The following NTRK3 variants were observed in gnomAD, a reference collection of about 807,000 sequenced individuals.
NTRK3 encodes neurotrophic receptor tyrosine kinase 3.
In NTRK3, 24 loss-of-function variants were observed where a neutral mutation model predicts 91.7. That is an observed-to-expected ratio of 0.26 (90% CI 0.19 to 0.37). NTRK3 has a LOEUF of 0.37. NTRK3 is among the 10% of genes least tolerant of loss of function. NTRK3 has a pLI of 1.00. For missense variants in NTRK3, 880 were observed against 1,068.9 expected (o/e 0.82, Z 2.46); for synonymous variants, 483 against 404.0 (o/e 1.20, Z -2.34).
At chr15:88,208,723 T>C (rs1019592645) in intron 3 of NTRK3, among the ~76,000 whole-genome samples, 1 of 152,194 alleles carries the variant, frequency 6.6e-6, no homozygotes, top group Non-Finnish European at 1.5e-5. Flanking sequence ...CAGCAAGTGG[T>C]AAGCTGAAGC....
At chr15:88,058,541 G>C (rs2045927973) in intron 13 of NTRK3, among the ~76,000 whole-genome samples, 1 of 152,056 alleles carries the variant, frequency 6.6e-6, no homozygotes, top group Non-Finnish European at 1.5e-5. Context: ...CCCTAGTATT[G>C]GCATTTTTTA....
chr15:88,192,969 T>A (rs893387389), intron 3 of NTRK3, among the ~76,000 whole-genome samples: 1 of 152,176 alleles, frequency 6.6e-6, no homozygotes, highest in Non-Finnish European at 1.5e-5. Flanking sequence ...ATTATTTGAT[T>A]ATGTGTTTGT....
At chr15:88,115,102 T>C (rs2051890612) in intron 13 of NTRK3, among the ~76,000 whole-genome samples, 1 of 152,206 alleles carries the variant, frequency 6.6e-6, no homozygotes, top group South Asian at 2.1e-4. Context: ...TTTTAGGTTT[T>C]TAATAAATAT....
intron 17 of NTRK3, among the ~76,000 whole-genome samples, chr15:87,906,926 A>G (rs1248134774): frequency 6.6e-6 from 1 of 152,032 alleles, no homozygotes; most frequent in Non-Finnish European, 1.5e-5. Flanking sequence ...TGTCTGTTTT[A>G]CTCACAGTTG....
chr15:88,234,135 T>C lies in NTRK3; in HGVS notation c.248+21771A>G, dbSNP rs750184499. ...TGCCAGGCCAGCCTGCCAGGCAGCC[T>C]GGACCTTCAGTCAGGAGACGATGGA... On this transcript the variant is annotated intron_variant, in intron 3 of 18. Transcript: ENST00000394480. The surrounding 1 kb of genome is among the most constrained non-coding windows in gnomAD (Gnocchi z 6.1). Among the ~76,000 whole-genome samples, 1 of 152,128 alleles carries C rather than the reference T, an allele frequency of 6.6e-6. No individual in the cohort carries two copies. The highest frequency in any genetic ancestry group is 1.5e-5 in the Non-Finnish European group (1 of 68,024).
chr15:87,896,972 C>T (rs1033629536), intron 17 of NTRK3, among the ~76,000 whole-genome samples: 4 of 152,182 alleles, frequency 2.6e-5, no homozygotes, highest in Non-Finnish European at 5.9e-5. Flanking sequence ...GCAGCGAAAA[C>T]TCACAAAGAC....
intron 13 of NTRK3, among the ~76,000 whole-genome samples, chr15:88,103,597 T>G (rs540656053): frequency 5.0e-4 from 76 of 152,222 alleles, no homozygotes; most frequent in South Asian, 1.0e-3. Flanking sequence ...ATAAACTTCT[T>G]TCCTTCTTTG....
intron 12 of NTRK3, among the ~76,000 whole-genome samples, chr15:88,126,720 T>C (rs2053326221): frequency 2.0e-5 from 3 of 152,308 alleles, no homozygotes; most frequent in African/African-American, 2.4e-5. Flanking sequence ...AAATTCCTTA[T>C]ATAACATTCT....
chr15:87,974,051 T>C (rs991038814), intron 14 of NTRK3, among the ~76,000 whole-genome samples: 1 of 152,160 alleles, frequency 6.6e-6, no homozygotes. Flanking sequence ...TCCCGCGGCA[T>C]CCAACCCTCC....
At chr15:88,114,675 T>A (rs2051837030) in intron 13 of NTRK3, among the ~76,000 whole-genome samples, 1 of 152,204 alleles carries the variant, frequency 6.6e-6, no homozygotes, top group African/African-American at 2.4e-5. Flanking sequence ...GGGAAACATA[T>A]CCTTGCATAA....
rs117150797 is a variant in NTRK3, at chr15:88,182,071, C to T, written c.395+1347G>A. ...CATCAGGAGACTCTCACCACAGAGG[C>T]TACCCTGGGGCAAGGGGCAACAGTT... is the stretch of plus-strand genomic sequence containing the variant. On this transcript the variant is annotated intron_variant, in intron 5 of 18. Transcript: ENST00000394480. Among the ~76,000 whole-genome samples the T allele has an allele frequency of 4.4e-3, 670 of 152,214 alleles. 38 individuals carry two copies. In the South Asian group the frequency reaches 0.11, roughly 26 times the overall value.
rs1419472052 is a variant in NTRK3 at position 87,929,292 on chromosome 15, G to A, written c.2032C>T (p.Arg678Ter). ...AGGCAGTTCCTGGTGGCCAGGTCTCGGTGCACAAAGTGCTGGGAGGCCAGG... is the reference window on the plus strand; with the variant it reads ...AGGCAGTTCCTGGTGGCCAGGTCTCAGTGCACAAAGTGCTGGGAGGCCAGG... Residue 678 changes from arginine to a stop codon, truncating the protein, a stop_gained, in exon 17 of 19, where the codon CGA (arginine) becomes TGA (stop). Transcript: ENST00000394480. LOFTEE classifies it high-confidence loss of function. 6.2e-7 allele frequency: 1 copy of A among 1,613,976 alleles called. No individual in the cohort carries two copies. Among genetic ancestry groups the A allele is most frequent in the Admixed American group, 1.7e-5 (1 of 59,996 alleles).
chr15:87,871,068 A>T (rs951633465), exon 19 of NTRK3: 12 of 229,910 alleles, frequency 5.2e-5, no homozygotes, highest in African/African-American at 2.7e-4. Context: ...ACTTAGAAGT[A>T]AACTAGAAAG....
At chr15:88,023,386 C>T (rs10520672) in intron 14 of NTRK3, among the ~76,000 whole-genome samples, 44,370 of 152,070 alleles carry the variant, frequency 0.29, 6,675 homozygotes, top group South Asian at 0.4. Flanking sequence ...GTTATTCTAA[C>T]TGAATCTGAA....
At chr15:87,972,703 G>A (rs958029328) in intron 14 of NTRK3, among the ~76,000 whole-genome samples, 1 of 152,152 alleles carries the variant, frequency 6.6e-6, no homozygotes, top group Non-Finnish European at 1.5e-5. Flanking sequence ...GAGAAAGCCA[G>A]GTGCCCATCT....
chr15:87,976,928 A>C (rs2073773274), intron 14 of NTRK3, among the ~76,000 whole-genome samples: 1 of 151,676 alleles, frequency 6.6e-6, no homozygotes, highest in South Asian at 2.1e-4. Flanking sequence ...CCCCAACCCC[A>C]CTCTCAGACC....
chr15:87,940,546 T>A (rs2069731001), intron 15 of NTRK3, 77 bp downstream of exon 15: 5 of 1,598,414 alleles, frequency 3.1e-6, no homozygotes, highest in Non-Finnish European at 4.3e-6. Flanking sequence ...TCTTCTCAAA[T>A]GGAGGGAGCC....
chr15:88,148,012 G>T (rs1339640947), intron 5 of NTRK3, among the ~76,000 whole-genome samples: 2 of 152,212 alleles, frequency 1.3e-5, no homozygotes, highest in African/African-American at 2.4e-5. Flanking sequence ...TTATTACTTT[G>T]CCAGGCTCAA....
intron 14 of NTRK3, among the ~76,000 whole-genome samples, chr15:87,960,387 T>C (rs767384474): frequency 6.6e-6 from 1 of 152,156 alleles, no homozygotes; most frequent in Non-Finnish European, 1.5e-5. Context: ...TTTTTTTCCA[T>C]CTACTTTTTG....
Sources: gnomAD v4.1 joint callset for allele counts (sites outside exome capture counted in the v4.1 genomes callset) on GRCh38, gnomAD v4.1.1 for gene constraint, Gnocchi (gnomAD v3.1) non-coding constraint, MANE v1.5 for transcripts, NCBI Gene and HGNC (gene_info 2026-07-23, HGNC 2026-07-21) for gene names.